The following PTCH2 variants were observed in gnomAD, a reference collection of about 807,000 sequenced individuals.
The protein encoded by PTCH2 is patched 2.
PTCH2 carries 96 observed loss-of-function variants against 117.9 expected under a neutral mutation model. The observed-to-expected ratio is 0.81, with a 90% CI of 0.69 to 0.96. The LOEUF is 0.96. PTCH2 is among the 50% of genes least tolerant of loss of function. The probability of loss-of-function intolerance (pLI) is 0.00; values close to 1 mark genes in which losing one functional copy is unlikely to be tolerated. For synonymous variants in PTCH2, 615 were observed against 660.9 expected (o/e 0.93, Z 1.06); for missense variants, 1,379 against 1,562.5 (o/e 0.88, Z 1.98).
chr1:44,833,585 C>T (rs956215403), intron 2 of PTCH2, among the ~76,000 whole-genome samples: 6 of 150,424 alleles, frequency 4.0e-5, no homozygotes, highest in Non-Finnish European at 3.0e-5. Flanking sequence ...CACAGGCACC[C>T]GCCACCAGGC....
chr1:44,842,032 G>T lies in PTCH2; in HGVS notation c.80C>A (p.Ala27Asp). 1 of 1,611,882 alleles carries T rather than the reference G, an allele frequency of 6.2e-7. No homozygotes were observed. The highest frequency in any genetic ancestry group is 8.5e-7 in the Non-Finnish European group (1 of 1,178,320). The change falls in exon 2 of 22, where the codon GCT (alanine) becomes GAT (aspartate). Residue 27 changes from alanine (A) to aspartate (D), a missense_variant. Transcript: ENST00000372192. ...PARTAAPQIL[A>D]GSLKAPLWLR... is the part of the protein sequence containing the mutation. ...CCAGAGTGGAGCCTTCAGGCTCCCA[G>T]CTAGGATCTGGGATGGAAAGAGAAG...
In PTCH2 at chr1:44,829,196, A is replaced by T. The variant is rs1243858908; in HGVS notation, c.1332T>A (p.Cys444Ter). 1 of 1,613,606 alleles carries T rather than the reference A, an allele frequency of 6.2e-7. No homozygotes were observed. The highest frequency in any genetic ancestry group is 2.2e-5 in the East Asian group (1 of 44,884). ...CATTGAAGGTGATGCCGAGCAGGGC[A>T]CAGAGCCCAAGGCCTGAGGCCACCG... is the stretch of plus-strand genomic sequence containing the variant. ...ALAVASGLGL[C>*]ALLGITFNAA... is the part of the protein sequence containing the mutation. Residue 444 changes from cysteine to a stop codon, truncating the protein, a stop_gained, in exon 10 of 22, where the codon TGT becomes TGA. Coordinates refer to ENST00000372192, the MANE Select transcript of PTCH2 (RefSeq NM_003738.5). LOFTEE classifies it high-confidence loss of function.
chr1:44,833,586 G>C (rs1369732757), intron 2 of PTCH2, among the ~76,000 whole-genome samples: 1 of 151,664 alleles, frequency 6.6e-6, no homozygotes, highest in Non-Finnish European at 1.5e-5. Context: ...ACAGGCACCC[G>C]CCACCAGGCC....
In PTCH2 at chr1:44,828,969, G is replaced by T. The variant is rs1250169052; in HGVS notation, c.1464+13C>A. 6.4e-7 allele frequency: 1 copy of T among 1,551,884 alleles called. No homozygotes were observed. Among genetic ancestry groups the T allele is most frequent in the Non-Finnish European group, 8.7e-7 (1 of 1,146,956 alleles). ...GAGCTGCCTCAGATGAGCCCTGGGG[G>T]ACAAGGCCCCACCTGGAGAGGGGTG... On this transcript the variant is annotated intron_variant, in intron 11 of 21. Coordinates refer to ENST00000372192, the MANE Select transcript of PTCH2 (RefSeq NM_003738.5).
chr1:44,832,337 GC>G lies in PTCH2; in HGVS notation c.269del (p.Gly90AlafsTer4). ...AATGCAGCTCCTGGCTCACCCGGCT[GC>G]CCACTGCCAGAGCAAACAGAGAAAG... ...TNLEQLWVEV[G>X]SRVSQELHYT... On this transcript the variant is annotated frameshift_variant, in exon 3 of 22. Coordinates refer to ENST00000372192, the MANE Select transcript of PTCH2 (RefSeq NM_003738.5). LOFTEE classifies it high-confidence loss of function. 3.1e-6 allele frequency: 5 copies of G among 1,614,078 alleles called. No individual in the cohort carries two copies. The Middle Eastern group carries it at 8.4e-4, about 271-fold the overall frequency.
chr1:44,822,240 C>G lies in PTCH2; in HGVS notation c.*175G>C. ...ACAGGCTCACACAGGCCTGGATGTG[C>G]AAATCGGTGGCTGTTCTGTATGGAT... is the stretch of plus-strand genomic sequence containing the variant. On this transcript the variant is annotated 3_prime_UTR_variant, in exon 22 of 22. Transcript: ENST00000372192. The G allele has an allele frequency of 6.6e-7, 1 of 1,508,260 alleles. No homozygotes were observed. Among genetic ancestry groups the G allele is most frequent in the Non-Finnish European group, 8.8e-7 (1 of 1,135,254 alleles). 93.4% of individuals were successfully genotyped at this position (1,508,260 alleles called of 1,614,324 possible). A position where few individuals can be genotyped will look rare whatever the true frequency, so the allele number is the denominator to read the frequency against.
intron 7 of PTCH2, 73 bp from the exon 8 acceptor site, chr1:44,829,834 G>A (rs958501469): frequency 6.2e-7 from 1 of 1,613,940 alleles, no homozygotes; most frequent in South Asian, 1.1e-5. Context: ...AGGGCCTTTT[G>A]CCAGAGCTGC....
chr1:44,834,892 A>G (rs1653618067), intron 2 of PTCH2, among the ~76,000 whole-genome samples: 1 of 152,208 alleles, frequency 6.6e-6, no homozygotes, highest in Non-Finnish European at 1.5e-5. Context: ...AATGCAGGCA[A>G]AGTACTTAGG....
At chr1:44,837,504 C>G (rs1056647079) in intron 2 of PTCH2, among the ~76,000 whole-genome samples, 1 of 152,068 alleles carries the variant, frequency 6.6e-6, no homozygotes, top group Admixed American at 6.6e-5. Flanking sequence ...TCCACCCCAC[C>G]CTGGACTCCC....
Position 44,831,903 on chromosome 1 carries a change from G to T in PTCH2, c.525+72C>A. ...TAAGGGGGCAGATTGCAGGCTGTGG[G>T]GCTTGCTCGGTCTCTGAGTCCTCCC... is the stretch of plus-strand genomic sequence containing the variant. On this transcript the variant is annotated intron_variant, in intron 4 of 21. Transcript: ENST00000372192. The surrounding 1 kb of genome is among the most constrained non-coding windows in gnomAD (Gnocchi z 4.3). 6.4e-7 allele frequency: 1 copy of T among 1,570,936 alleles called. No individual in the cohort carries two copies. The highest frequency in any genetic ancestry group is 1.1e-5 in the South Asian group (1 of 90,192).
In PTCH2 at chr1:44,826,858, GT is replaced by G; in HGVS notation, c.2695+43del. On this transcript the variant is annotated intron_variant, in intron 17 of 21. Coordinates refer to ENST00000372192, the MANE Select transcript of PTCH2 (RefSeq NM_003738.5). The surrounding 1 kb of genome is among the most constrained non-coding windows in gnomAD (Gnocchi z 5.1). ...GCAGGGCCTCAGGCTCAGGGCTTGT[GT>G]GGGCGAGGCTGAGGCTCTTGCCGAG... 6.2e-7 allele frequency: 1 copy of G among 1,613,240 alleles called. No homozygotes were observed. Among genetic ancestry groups the G allele is most frequent in the Non-Finnish European group, 8.5e-7 (1 of 1,179,502 alleles).
chr1:44,838,877 A>G (rs934496723), intron 2 of PTCH2, among the ~76,000 whole-genome samples: 2 of 152,020 alleles, frequency 1.3e-5, no homozygotes, highest in African/African-American at 4.8e-5. Flanking sequence ...GAACCACCGC[A>G]CTTGGCTAAT....
chr1:44,841,942 T>G lies in PTCH2; in HGVS notation c.170A>C (p.Lys57Thr), dbSNP rs2148886429. The change falls in exon 2 of 22, where the codon AAA (lysine) becomes ACA (threonine). Residue 57 changes from lysine (K) to threonine (T), a missense_variant. Physicochemically the swap from Lys to Thr is moderately conservative, Grantham distance 78 (BLOSUM62 -1). Transcript: ENST00000372192. ...GGCCAACAGTCCCAGAAAGAGCACT[T>G]TGCCACAATGTCTCTGGATCCCGCA... ...LGCGIQRHCG[K>T]VLFLGLLAFG... 6.2e-7 allele frequency: 1 copy of G among 1,614,222 alleles called. No homozygotes were observed. Among genetic ancestry groups the G allele is most frequent in the Middle Eastern group, 1.6e-4 (1 of 6,062 alleles).
At chr1:44,841,159 ACT>A (rs879300285) in intron 2 of PTCH2, among the ~76,000 whole-genome samples, 2 of 150,960 alleles carry the variant, frequency 1.3e-5, no homozygotes, top group East Asian at 1.9e-4. Flanking sequence ...ACAGAGAAAG[ACT>A]CTGTCTCAAA....
intron 2 of PTCH2, among the ~76,000 whole-genome samples, chr1:44,837,122 G>A (rs34984079): frequency 0.17 from 25,766 of 152,144 alleles, 2,321 homozygotes; most frequent in East Asian, 0.28. Flanking sequence ...TTGGGCTGCC[G>A]AATTAACTGA....
Position 44,839,722 on chromosome 1 carries a change from C to T in PTCH2, c.265+2125G>A, listed in dbSNP as rs11573545. ...GTGTGGGTGGGGATATGTGTATGTG[C>T]GTGTATGCACATCTGTGTCCTGGGG... On this transcript the variant is annotated intron_variant, in intron 2 of 21. Coordinates refer to ENST00000372192, the MANE Select transcript of PTCH2 (RefSeq NM_003738.5). Among the ~76,000 whole-genome samples the T allele has an allele frequency of 4.6e-3, 703 of 152,128 alleles. 6 individuals carry two copies. Among genetic ancestry groups the T allele is most frequent in the African/African-American group, 0.016 (666 of 41,488 alleles).
At chr1:44,824,130 C>T (rs1320621488) in intron 19 of PTCH2, among the ~76,000 whole-genome samples, 1 of 152,098 alleles carries the variant, frequency 6.6e-6, no homozygotes, top group Non-Finnish European at 1.5e-5. Context: ...ATTATTTGGT[C>T]CTATAAATAG....
In PTCH2 at chr1:44,830,828, C is replaced by A. The variant is rs1013216073; in HGVS notation, c.813+20G>T. ...GGGAAGGAAAACAGCCTTTCCCTGG[C>A]AGACCTGGTTGGAACCCACCTGCCT... On this transcript the variant is annotated intron_variant, in intron 6 of 21. Coordinates refer to ENST00000372192, the MANE Select transcript of PTCH2 (RefSeq NM_003738.5). 6.6e-7 allele frequency: 1 copy of A among 1,521,492 alleles called. No individual in the cohort carries two copies. Among genetic ancestry groups the A allele is most frequent in the Non-Finnish European group, 8.9e-7 (1 of 1,128,620 alleles). The allele number at this position is 1,521,492 out of a possible 1,614,324, so 94.2% of individuals were successfully genotyped here.
Position 44,827,525 on chromosome 1 carries a change from C to T in PTCH2, c.2248G>A (p.Ala750Thr), listed in dbSNP as rs529700882. The T allele has an allele frequency of 4.9e-5, 79 of 1,613,986 alleles. No homozygotes were observed. In the East Asian group the frequency reaches 1.6e-3, roughly 33 times the overall value. Residue 750 changes from alanine to threonine, a missense_variant, in exon 15 of 22, where the codon GCC (alanine) becomes ACC (threonine). Ala to Thr is a moderately conservative substitution (Grantham distance 58). Coordinates refer to ENST00000372192, the MANE Select transcript of PTCH2 (RefSeq NM_003738.5). ...TCAAAGAGGGCGCGTTGGGAGTGGGCGTAGTCAAAGCCACCCTGGGTCACC... is the reference window on the plus strand; with the variant it reads ...TCAAAGAGGGCGCGTTGGGAGTGGGTGTAGTCAAAGCCACCCTGGGTCACC... ...ALVTQGGFDY[A>T]HSQRALFDLH...
Sources: allele counts gnomAD v4.1 joint callset (sites outside exome capture counted in the v4.1 genomes callset), GRCh38; gene constraint gnomAD v4.1.1; non-coding constraint Gnocchi (gnomAD v3.1); transcripts MANE v1.5; gene names NCBI Gene and HGNC (gene_info 2026-07-23, HGNC 2026-07-21).